The following SWT1 variants were observed in gnomAD, a reference collection of about 807,000 sequenced individuals.
The protein encoded by SWT1 is transcriptional protein SWT1.
SWT1 carries 33 observed loss-of-function variants against 107.3 expected under a neutral mutation model. The ratio of observed to expected loss-of-function variants is 0.31; its 90% CI spans 0.23 to 0.41. The LOEUF is 0.41. Ranked by LOEUF, SWT1 falls within the 10% of genes least tolerant of loss-of-function variation. The pLI, the probability that SWT1 is intolerant of heterozygous loss-of-function variation, is 1.00. For missense variants in SWT1, 898 were observed against 1,028.9 expected (o/e 0.87, Z 1.74); for synonymous variants, 345 against 348.3 (o/e 0.99, Z 0.11).
chr1:185,204,606 A>G (rs547659905), intron 11 of SWT1, 94 bp from the exon 12 acceptor site: 8 of 533,300 alleles, frequency 1.5e-5, no homozygotes, highest in Non-Finnish European at 2.5e-5. Context: ...AAATATATAC[A>G]TAAAATGTTT....
At chr1:185,266,610 T>G (rs1205099690) in intron 16 of SWT1, 1 of 152,088 alleles carries the variant, frequency 6.6e-6, no homozygotes, top group East Asian at 1.9e-4. Context: ...TCCCACTGCT[T>G]CCTTTGACTG....
chr1:185,269,288 T>C (rs1663660928), intron 16 of SWT1, among the ~76,000 whole-genome samples: 1 of 152,152 alleles, frequency 6.6e-6, no homozygotes, highest in Non-Finnish European at 1.5e-5. Flanking sequence ...TCCTTCTCCA[T>C]ATGTATTATC....
At chr1:185,217,828 T>G (rs1659338370) in intron 14 of SWT1, among the ~76,000 whole-genome samples, 1 of 152,214 alleles carries the variant, frequency 6.6e-6, no homozygotes, top group African/African-American at 2.4e-5. Context: ...ACTCCTGCCC[T>G]CAGGTGATCC....
At chr1:185,165,701 G>T (rs1571390412) in intron 2 of SWT1, among the ~76,000 whole-genome samples, 1 of 152,128 alleles carries the variant, frequency 6.6e-6, no homozygotes, top group Admixed American at 6.5e-5. Flanking sequence ...GGTTGACAAA[G>T]CCACCTCCTC....
chr1:185,206,658 C>A lies in SWT1; in HGVS notation c.1867C>A (p.His623Asn). The A allele has an allele frequency of 6.2e-7, 1 of 1,604,660 alleles. No individual in the cohort carries two copies. The highest frequency in any genetic ancestry group is 8.5e-7 in the Non-Finnish European group (1 of 1,175,340). The change falls in exon 13 of 19, where the codon CAT (histidine) becomes AAT (asparagine). Residue 623 changes from histidine to asparagine, a missense_variant. This residue lies in a region of SWT1 where 382 missense variants were observed against 460.0 expected (regional missense o/e 0.83). Coordinates refer to ENST00000367500, the MANE Select transcript of SWT1 (RefSeq NM_017673.7). ...CCTGAAACCACCATGGACTCTACTA[C>A]ATTTACTACAGTGCTTTAAAAAACA... ...LYLKPPWTLL[H>N]LLQCFKKHWL... is the part of the protein sequence containing the mutation.
chr1:185,269,363 A>G (rs1346733938), intron 16 of SWT1, among the ~76,000 whole-genome samples: 1 of 147,528 alleles, frequency 6.8e-6, no homozygotes, highest in East Asian at 2.0e-4. Flanking sequence ...TGGAGGGTTA[A>G]GAGGTTTTTG....
intron 5 of SWT1, among the ~76,000 whole-genome samples, chr1:185,175,401 G>GT (rs1415918009): frequency 2.0e-5 from 3 of 151,828 alleles, no homozygotes; most frequent in African/African-American, 7.3e-5. Flanking sequence ...TAACTTTGGT[G>GT]TTTTTTGCAG....
Position 185,202,455 on chromosome 1 carries a change from T to TTA in SWT1, c.1524-184_1524-183dup, listed in dbSNP as rs200527836. Among the ~76,000 whole-genome samples the TTA allele has an allele frequency of 9.4e-3, 1,412 of 150,598 alleles. 28 individuals are homozygous for TTA. The highest frequency in any genetic ancestry group is 0.093 in the East Asian group (479 of 5,150). Reference sequence around the variant, plus strand: ...AGTTTGTTGTGAGGATTAAATAGATTTATATATATATATATAAAGCACTTT... The same window carrying TTA: ...AGTTTGTTGTGAGGATTAAATAGATTTATATATATATATATATAAAGCACTTT... On this transcript the variant is annotated intron_variant, in intron 10 of 18. Transcript: ENST00000367500.
intron 14 of SWT1, among the ~76,000 whole-genome samples, chr1:185,219,308 G>A (rs1381148556): frequency 6.6e-6 from 1 of 152,084 alleles, no homozygotes; most frequent in African/African-American, 2.4e-5. Flanking sequence ...ACCTTTCTAT[G>A]CCTCAGTTTT....
chr1:185,221,980 G>A lies in SWT1; in HGVS notation c.2253G>A (p.Arg751=), dbSNP rs747911535. The part of the protein sequence containing the change: ...FSSSHLPQPS[R]HQEIWSILES... ...GTTCTCATCTTCCCCAACCCAGCAG[G>A]CATCAAGAAATCTGGTCTATCCTAG... The change falls in exon 15 of 19, where the codon AGG becomes AGA. Residue 751 remains arginine (R), a synonymous_variant. Coordinates refer to ENST00000367500, the MANE Select transcript of SWT1 (RefSeq NM_017673.7). 2 of 1,611,334 alleles carry A rather than the reference G, an allele frequency of 1.2e-6. No homozygotes were observed. Among genetic ancestry groups the A allele is most frequent in the South Asian group, 1.1e-5 (1 of 90,530 alleles).
At position 185,277,268 on chromosome 1, in the gene SWT1, GTTTA is replaced by G. The variant is rs1040231615; in HGVS notation, c.2573+608_2573+611del. 4.0e-5 allele frequency among the ~76,000 whole-genome samples: 6 copies of G among 151,510 alleles called. No individual in the cohort carries two copies. In the East Asian group the frequency reaches 7.8e-4, roughly 20 times the overall value. ...TTAGTCTTTATTTATTTATTTATTT[GTTTA>G]TTTATTTGTTTTTTTTTATTTTTTC... On this transcript the variant is annotated intron_variant, in intron 18 of 18. Transcript: ENST00000367500.
chr1:185,251,258 A>C (rs1661995989), intron 16 of SWT1: 2 of 152,250 alleles, frequency 1.3e-5, no homozygotes, highest in Admixed American at 6.5e-5. Context: ...TTTTCCTTTT[A>C]CTTTTTATAA....
intron 10 of SWT1, among the ~76,000 whole-genome samples, chr1:185,201,982 G>A (rs558570860): frequency 4.5e-4 from 68 of 151,822 alleles, no homozygotes; most frequent in African/African-American, 1.5e-3. Flanking sequence ...ATTCTCATTC[G>A]TAGTAGGGTT....
At chr1:185,180,043 G>A (rs970249553) in intron 5 of SWT1, among the ~76,000 whole-genome samples, 3 of 152,158 alleles carry the variant, frequency 2.0e-5, no homozygotes, top group Non-Finnish European at 4.4e-5. Flanking sequence ...AAAATTAGCC[G>A]GGTGTGTTGG....
intron 5 of SWT1, among the ~76,000 whole-genome samples, chr1:185,177,434 A>G (rs569433347): frequency 2.0e-5 from 3 of 152,236 alleles, no homozygotes; most frequent in Admixed American, 1.3e-4. Flanking sequence ...CAGTTTTTCC[A>G]TGACCACTTT....
intron 10 of SWT1, among the ~76,000 whole-genome samples, chr1:185,191,495 C>T (rs1656945810): frequency 1.3e-5 from 2 of 152,038 alleles, no homozygotes; most frequent in Admixed American, 1.3e-4. Flanking sequence ...CAAATTCTTT[C>T]TGTGAAATGG....
intron 4 of SWT1, among the ~76,000 whole-genome samples, chr1:185,170,062 G>A (rs1481330193): frequency 6.6e-6 from 1 of 152,148 alleles, no homozygotes; most frequent in Non-Finnish European, 1.5e-5. Context: ...CAAAGCCTCA[G>A]CATGTTCAAC....
intron 16 of SWT1, among the ~76,000 whole-genome samples, chr1:185,238,391 G>A (rs1349020847): frequency 6.6e-6 from 1 of 152,106 alleles, no homozygotes; most frequent in East Asian, 1.9e-4. Flanking sequence ...TTGAGAGCAA[G>A]GTGTTGGTAT....
chr1:185,213,913 G>GA (rs1269811455), intron 13 of SWT1, among the ~76,000 whole-genome samples: 1 of 151,944 alleles, frequency 6.6e-6, no homozygotes, highest in Non-Finnish European at 1.5e-5. Context: ...TAATTTACAG[G>GA]AAAAAAATTC....
Sources: gnomAD v4.1 joint callset for allele counts (sites outside exome capture counted in the v4.1 genomes callset) on GRCh38, gnomAD v4.1.1 for gene constraint, gnomAD v4.1.1 regional missense constraint, MANE v1.5 for transcripts, NCBI Gene and HGNC (gene_info 2026-07-23, HGNC 2026-07-21) for gene names.